NALF1: variants seen among roughly 807,000 people sequenced by gnomAD.
NALF1 encodes the protein NALCN channel auxiliary factor 1, also known as family with sequence similarity 155 member A.
In NALF1, 3 loss-of-function variants were observed where a neutral mutation model predicts 48.4. The ratio of observed to expected loss-of-function variants is 0.06; its 90% CI spans 0.03 to 0.16. The LOEUF is 0.16. Among genes scored for constraint, NALF1 ranks in the 10% least tolerant of loss-of-function variants. The pLI is 1.00. For missense variants in NALF1, 526 were observed against 571.5 expected (o/e 0.92, Z 0.81); for synonymous variants, 262 against 245.7 (o/e 1.07, Z -0.62).
Position 107,866,009 on chromosome 13 carries a change from A to C in NALF1, c.588T>G (p.Ser196Arg). 6.2e-7 allele frequency: 1 copy of C among 1,611,266 alleles called. No individual in the cohort carries two copies. The highest frequency in any genetic ancestry group is 8.5e-7 in the Non-Finnish European group (1 of 1,179,756). The change falls in exon 1 of 3, where the codon AGT becomes AGG. Residue 196 changes from serine (S) to arginine (R), a missense_variant. This residue lies in a region of NALF1 where 373 missense variants were observed against 355.5 expected (regional missense o/e 1.05). Transcript: ENST00000375915. The surrounding 1 kb of genome is among the most constrained non-coding windows in gnomAD (Gnocchi z 4.4). Reference sequence around the variant, plus strand: ...GCCCGTCCCCCCCGGCCGCCCCCCGACTCCAGTTCCTGGCGCACACCGCGT... The same window carrying C: ...GCCCGTCCCCCCCGGCCGCCCCCCGCCTCCAGTTCCTGGCGCACACCGCGT... ...NADAVCARNWSRGAAGGDGQE... is the reference protein window; with the variant it reads ...NADAVCARNWRRGAAGGDGQE...
intron 1 of NALF1, among the ~76,000 whole-genome samples, chr13:107,512,400 A>G (rs924925086): frequency 1.3e-5 from 2 of 152,148 alleles, no homozygotes; most frequent in Non-Finnish European, 2.9e-5. Context: ...CTAAAAAAAG[A>G]AAAAAGAAAA....
chr13:107,558,959 G>A (rs777475078), intron 1 of NALF1, among the ~76,000 whole-genome samples: 5 of 152,158 alleles, frequency 3.3e-5, no homozygotes, highest in Non-Finnish European at 7.3e-5. Flanking sequence ...GTGCTGTGGG[G>A]TCAGTGGGCC....
At chr13:107,223,186 T>C (rs1028451303) in intron 1 of NALF1, among the ~76,000 whole-genome samples, 2 of 152,166 alleles carry the variant, frequency 1.3e-5, no homozygotes, top group South Asian at 2.1e-4. Flanking sequence ...GATTTAGATA[T>C]GTAAATGCTC....
chr13:107,706,520 GTTC>G (rs1444126924), intron 1 of NALF1, among the ~76,000 whole-genome samples: 1 of 152,154 alleles, frequency 6.6e-6, no homozygotes, highest in Non-Finnish European at 1.5e-5. Context: ...TAATCTGCCT[GTTC>G]TTCACCACCT....
intron 1 of NALF1, among the ~76,000 whole-genome samples, chr13:107,809,214 A>G (rs1594282758): frequency 6.6e-6 from 1 of 151,914 alleles, no homozygotes; most frequent in African/African-American, 2.4e-5. Context: ...TTCACTTCTC[A>G]TACTGCGGTT....
chr13:107,723,740 A>G (rs1394658317), intron 1 of NALF1, among the ~76,000 whole-genome samples: 1 of 152,230 alleles, frequency 6.6e-6, no homozygotes. Flanking sequence ...GAGAAGGAAG[A>G]AAATAAAAGG....
chr13:107,228,651 G>A (rs116260837), intron 1 of NALF1, among the ~76,000 whole-genome samples: 2 of 151,944 alleles, frequency 1.3e-5, no homozygotes, highest in Non-Finnish European at 2.9e-5. Context: ...ACAGAGTCTC[G>A]CTCTGTTGCC....
intron 1 of NALF1, among the ~76,000 whole-genome samples, chr13:107,571,850 T>G (rs1179105662): frequency 1.3e-5 from 2 of 152,164 alleles, no homozygotes; most frequent in Admixed American, 6.5e-5. Context: ...ACTTACACAT[T>G]TGGTTTCTAT....
chr13:107,249,251 A>G (rs1242209125), intron 1 of NALF1, among the ~76,000 whole-genome samples: 3 of 152,150 alleles, frequency 2.0e-5, no homozygotes, highest in Non-Finnish European at 2.9e-5. Flanking sequence ...TTTTGCATTC[A>G]GTCACAGTTT....
chr13:107,748,205 GTAA>G (rs2138550073), intron 1 of NALF1, among the ~76,000 whole-genome samples: 1 of 152,174 alleles, frequency 6.6e-6, no homozygotes, highest in African/African-American at 2.4e-5. Flanking sequence ...CTCTTACCAA[GTAA>G]TAATAGTCAA....
At chr13:107,180,416 G>A (rs1433132959) in intron 2 of NALF1, among the ~76,000 whole-genome samples, 2 of 151,872 alleles carry the variant, frequency 1.3e-5, no homozygotes, top group African/African-American at 2.4e-5. Flanking sequence ...ATTTAAGTAC[G>A]ATCTTTATCT....
intron 1 of NALF1, among the ~76,000 whole-genome samples, chr13:107,616,785 A>C (rs1879391345): frequency 6.6e-6 from 1 of 152,110 alleles, no homozygotes; most frequent in African/African-American, 2.4e-5. Flanking sequence ...TCCCCACCCC[A>C]CAGTGCATTG....
In NALF1 at chr13:107,866,657, A is replaced by G. The variant is rs1880740907; in HGVS notation, c.-61T>C. On this transcript the variant is annotated 5_prime_UTR_variant, in exon 1 of 3. Coordinates refer to ENST00000375915, the MANE Select transcript of NALF1 (RefSeq NM_001080396.3). This position sits in a 1 kb window ranked among gnomAD's most constrained non-coding sequence, Gnocchi z 4.4. Reference sequence around the variant, plus strand: ...TGAGGGCGCCTGTGCCGGTGTCACCACAATATGCATTGACTTAAAGGGTTT... The same window carrying G: ...TGAGGGCGCCTGTGCCGGTGTCACCGCAATATGCATTGACTTAAAGGGTTT... 7.2e-7 allele frequency: 1 copy of G among 1,390,860 alleles called. No individual in the cohort carries two copies. Among genetic ancestry groups the G allele is most frequent in the Non-Finnish European group, 9.8e-7 (1 of 1,015,678 alleles). The allele number at this position is 1,390,860 out of a possible 1,614,324, so 86.2% of individuals were successfully genotyped here. A position where few individuals can be genotyped will look rare whatever the true frequency, so the allele number is the denominator to read the frequency against.
intron 1 of NALF1, among the ~76,000 whole-genome samples, chr13:107,445,422 T>C (rs1267086339): frequency 6.6e-6 from 1 of 152,230 alleles, no homozygotes; most frequent in African/African-American, 2.4e-5. Flanking sequence ...TTCCTTTCTA[T>C]TGCCTAGTAT....
At chr13:107,641,586 G>A (rs1434793311) in intron 1 of NALF1, among the ~76,000 whole-genome samples, 2 of 152,146 alleles carry the variant, frequency 1.3e-5, no homozygotes, top group Admixed American at 1.3e-4. Context: ...GAGATTTGGA[G>A]ATAAAAATAA....
intron 1 of NALF1, among the ~76,000 whole-genome samples, chr13:107,218,103 C>G (rs1468627710): frequency 6.6e-6 from 1 of 152,126 alleles, no homozygotes; most frequent in Non-Finnish European, 1.5e-5. Flanking sequence ...GAGTGACAAG[C>G]AGGTCACTCG....
At chr13:107,331,302 T>G (rs1882464217) in intron 1 of NALF1, among the ~76,000 whole-genome samples, 1 of 152,184 alleles carries the variant, frequency 6.6e-6, no homozygotes, top group South Asian at 2.1e-4. Flanking sequence ...CAATTGCTTG[T>G]CAAGACGGAG....
chr13:107,782,059 C>G (rs570584320), intron 1 of NALF1, among the ~76,000 whole-genome samples: 1 of 152,092 alleles, frequency 6.6e-6, no homozygotes, highest in Non-Finnish European at 1.5e-5. Flanking sequence ...CCTCTCCCCA[C>G]GGTCTCCCTC....
chr13:107,670,058 C>A (rs891219368), intron 1 of NALF1, among the ~76,000 whole-genome samples: 8 of 152,088 alleles, frequency 5.3e-5, no homozygotes, highest in African/African-American at 1.9e-4. Context: ...TCTACTTCAC[C>A]ATCTACTGTT....
Sources: allele counts gnomAD v4.1 joint callset (sites outside exome capture counted in the v4.1 genomes callset), GRCh38; gene constraint gnomAD v4.1.1; regional missense constraint gnomAD v4.1.1; non-coding constraint Gnocchi (gnomAD v3.1); transcripts MANE v1.5; gene names NCBI Gene and HGNC (gene_info 2026-07-23, HGNC 2026-07-21).